Variants in TBC1D5 observed in about 807,000 individuals in gnomAD.
TBC1D5 encodes the protein TBC1 domain family member 5.
In TBC1D5, 75 loss-of-function variants were observed where a neutral mutation model predicts 100.3. The ratio of observed to expected loss-of-function variants is 0.75; its 90% confidence interval spans 0.62 to 0.91. The LOEUF (loss-of-function observed/expected upper bound fraction) is 0.91, where lower values mean the gene tolerates loss of function less well. TBC1D5 is among the 40% of genes least tolerant of loss of function. The probability of loss-of-function intolerance (pLI) is 0.00; values close to 1 mark genes in which losing one functional copy is unlikely to be tolerated. For missense variants in TBC1D5, 910 were observed against 942.4 expected, an observed-to-expected ratio of 0.97 and a Z score of 0.45; for synonymous variants, 323 against 325.6, an observed-to-expected ratio of 0.99 and a Z score of 0.09.
At chr3:17,722,061 C>T (rs548955461) in intron 1 of TBC1D5, among the ~76,000 whole-genome samples, 16 of 152,240 alleles carry the variant, frequency 1.1e-4, no homozygotes, top group African/African-American at 3.9e-4. Flanking sequence ...ACACAACCAA[C>T]GTTATGGGAA....
At chr3:17,516,386 G>A (rs1409699241) in intron 2 of TBC1D5, among the ~76,000 whole-genome samples, 1 of 151,854 alleles carries the variant, frequency 6.6e-6, no homozygotes, top group Non-Finnish European at 1.5e-5. Flanking sequence ...TTTATTTAAA[G>A]AAAGAAAGAA....
intron 2 of TBC1D5, among the ~76,000 whole-genome samples, chr3:17,522,717 T>C (rs2096076429): frequency 6.6e-6 from 1 of 152,102 alleles, no homozygotes; most frequent in Non-Finnish European, 1.5e-5. Context: ...TACACCTCCT[T>C]TTCCAATGTA....
At chr3:17,407,862 T>C (rs2093814288) in intron 4 of TBC1D5, among the ~76,000 whole-genome samples, 1 of 152,160 alleles carries the variant, frequency 6.6e-6, no homozygotes, top group South Asian at 2.1e-4. Context: ...TGCATTTCTA[T>C]CACCACTCCA....
intron 8 of TBC1D5, 141 bp downstream of exon 8, chr3:17,403,040 T>C (rs1476043179): frequency 9.1e-6 from 5 of 551,492 alleles, no homozygotes; most frequent in Non-Finnish European, 1.5e-5. Context: ...TTATCACAAT[T>C]TGTCAAAACA....
intron 1 of TBC1D5, among the ~76,000 whole-genome samples, chr3:17,676,720 C>T (rs1425841188): frequency 1.3e-5 from 2 of 152,320 alleles, no homozygotes; most frequent in African/African-American, 4.8e-5. Context: ...AAGCACAAAG[C>T]TGGAGGCATC....
intron 17 of TBC1D5, among the ~76,000 whole-genome samples, chr3:17,222,998 T>C (rs1323687159): frequency 6.6e-6 from 1 of 152,134 alleles, no homozygotes; most frequent in Admixed American, 6.6e-5. Flanking sequence ...TAAGCAGTTA[T>C]AGCTATTAAA....
At chr3:17,185,327 A>C in intron 18 of TBC1D5, 119 bp from the exon 20 acceptor site, 1 of 701,190 alleles carries the variant, frequency 1.4e-6, no homozygotes, top group Non-Finnish European at 2.2e-6. Context: ...AACCTAGACA[A>C]ATCTAAATAG....
chr3:17,276,821 T>C (rs1441373714), intron 15 of TBC1D5, among the ~76,000 whole-genome samples: 1 of 152,174 alleles, frequency 6.6e-6, no homozygotes, highest in Non-Finnish European at 1.5e-5. Flanking sequence ...TTCTAGCCAA[T>C]GGTATGTGAA....
intron 17 of TBC1D5, among the ~76,000 whole-genome samples, chr3:17,225,347 G>A (rs767110820): frequency 3.3e-5 from 5 of 149,520 alleles, no homozygotes; most frequent in East Asian, 2.0e-4. Flanking sequence ...GCTGAGGCAC[G>A]AGAATCACTT....
At chr3:17,229,807 A>G (rs2075260374) in intron 17 of TBC1D5, among the ~76,000 whole-genome samples, 1 of 152,138 alleles carries the variant, frequency 6.6e-6, no homozygotes, top group Non-Finnish European at 1.5e-5. Context: ...CCCATCTCAT[A>G]AGGGTTGTGC....
chr3:17,694,590 G>A (rs1042748825), intron 1 of TBC1D5, among the ~76,000 whole-genome samples: 1 of 152,186 alleles, frequency 6.6e-6, no homozygotes, highest in Non-Finnish European at 1.5e-5. Flanking sequence ...AGAAATATGT[G>A]ACTGTGTGAA....
At chr3:17,442,201 G>A (rs547781926) in intron 3 of TBC1D5, among the ~76,000 whole-genome samples, 3 of 152,258 alleles carry the variant, frequency 2.0e-5, no homozygotes, top group Non-Finnish European at 4.4e-5. Flanking sequence ...CTGTGATCTC[G>A]AGAGTGTGGA....
At chr3:17,179,499 A>G (rs1051285540) in intron 19 of TBC1D5, among the ~76,000 whole-genome samples, 1 of 152,262 alleles carries the variant, frequency 6.6e-6, no homozygotes, top group Non-Finnish European at 1.5e-5. Context: ...GCAATAAAAT[A>G]ACAAGATTTG....
At chr3:17,633,868 C>G (rs994561488) in intron 1 of TBC1D5, among the ~76,000 whole-genome samples, 3 of 152,072 alleles carry the variant, frequency 2.0e-5, no homozygotes, top group African/African-American at 7.2e-5. Context: ...TTTTACTATT[C>G]CTGGGAATAG....
chr3:17,202,153 TTGGGAA>T (rs2071540686), intron 18 of TBC1D5, among the ~76,000 whole-genome samples: 1 of 152,224 alleles, frequency 6.6e-6, no homozygotes, highest in African/African-American at 2.4e-5. Flanking sequence ...GAGAAACTTA[TTGGGAA>T]TTAGAGTAAA....
At chr3:17,366,717 G>A (rs1370383140) in intron 13 of TBC1D5, among the ~76,000 whole-genome samples, 1 of 151,960 alleles carries the variant, frequency 6.6e-6, no homozygotes, top group Admixed American at 6.6e-5. Context: ...ATGACTGAGA[G>A]TTACTTTTTT....
rs910950932 is a variant in TBC1D5 at position 17,161,129 on chromosome 3, A to G, written c.2222T>C (p.Leu741Pro). 14 of 1,614,046 alleles carry G rather than the reference A, an allele frequency of 8.7e-6. 1 individual carries two copies. In the Admixed American group the frequency reaches 1.7e-4, roughly 19 times the overall value. ...CTGGCTTTTCCCAGAGGTGCTTCTGAGGGTGCGAAGAGGCTGGGCCTGGCC... is the reference window on the plus strand; with the variant it reads ...CTGGCTTTTCCCAGAGGTGCTTCTGGGGGTGCGAAGAGGCTGGGCCTGGCC... Residue 741 changes from leucine (L) to proline (P), a missense_variant, in exon 22 of 22, where the codon CTC (leucine) becomes CCC (proline). Coordinates refer to ENST00000253692, the Ensembl canonical transcript of TBC1D5.
chr3:17,301,752 G>T (rs1403378259), intron 14 of TBC1D5, among the ~76,000 whole-genome samples: 1 of 152,174 alleles, frequency 6.6e-6, no homozygotes, highest in East Asian at 1.9e-4. Flanking sequence ...TGGGAAAAAG[G>T]CTACCTTGCC....
chr3:17,616,830 G>A (rs1224158299), intron 2 of TBC1D5, among the ~76,000 whole-genome samples: 1 of 152,110 alleles, frequency 6.6e-6, no homozygotes, highest in East Asian at 1.9e-4. Flanking sequence ...GATGGGTCTT[G>A]ACTCTTTATC....
Sources: gnomAD v4.1 joint callset for allele counts (sites outside exome capture counted in the v4.1 genomes callset) on GRCh38, gnomAD v4.1.1 for gene constraint, MANE v1.5 for transcripts, NCBI Gene and HGNC (gene_info 2026-07-23, HGNC 2026-07-21) for gene names.